EYA3: variants seen among roughly 807,000 people sequenced by gnomAD.
EYA3 encodes the protein EYA transcriptional coactivator and phosphatase 3.
A neutral mutation model predicts 80.0 loss-of-function variants in EYA3; 39 were observed. The observed-to-expected ratio is 0.49, with a 90% CI of 0.38 to 0.64. EYA3 has a LOEUF of 0.64. Ranked by LOEUF, EYA3 falls within the 30% of genes least tolerant of loss-of-function variation. The pLI is 0.00. For missense variants in EYA3, 523 were observed against 676.1 expected, an observed-to-expected ratio of 0.77 and a Z score of 2.51; for synonymous variants, 206 against 232.8, an observed-to-expected ratio of 0.88 and a Z score of 1.05.
chr1:28,021,640 G>A (rs1482608892), intron 7 of EYA3, among the ~76,000 whole-genome samples: 13 of 150,678 alleles, frequency 8.6e-5, no homozygotes, highest in Non-Finnish European at 1.9e-4. Flanking sequence ...CTCTCACTCT[G>A]TCACCCCGGC....
chr1:28,020,591 A>G (rs979219826), intron 7 of EYA3, among the ~76,000 whole-genome samples: 115 of 152,162 alleles, frequency 7.6e-4, no homozygotes, highest in African/African-American at 2.6e-3. Context: ...CTAAAAATGT[A>G]TACAACCACT....
At chr1:28,087,699 A>G (rs1250914409) in intron 1 of EYA3, among the ~76,000 whole-genome samples, 1 of 152,236 alleles carries the variant, frequency 6.6e-6, no homozygotes. Context: ...AGCTGTGCAC[A>G]TCCATTCTCA....
intron 16 of EYA3, among the ~76,000 whole-genome samples, chr1:27,978,895 G>C (rs1011873374): frequency 6.6e-6 from 1 of 152,230 alleles, no homozygotes; most frequent in Non-Finnish European, 1.5e-5. Flanking sequence ...CCGGGAGGCG[G>C]AGGTTGCAGT....
Position 28,005,372 on chromosome 1 carries a change from C to T in EYA3, c.910-953G>A, listed in dbSNP as rs142185057. Among the ~76,000 whole-genome samples the T allele has an allele frequency of 3.6e-3, 542 of 152,246 alleles. 2 individuals are homozygous for T. Among genetic ancestry groups the T allele is most frequent in the Non-Finnish European group, 5.0e-3 (343 of 68,022 alleles). On this transcript the variant is annotated intron_variant, in intron 10 of 17. Transcript: ENST00000373871. ...TCCTGATACCAAAGTCAGACTAAGG[C>T]ACTGTAAGAAAACTACAGACCAACA...
chr1:28,030,301 T>C (rs931987536), intron 6 of EYA3, among the ~76,000 whole-genome samples: 2 of 152,162 alleles, frequency 1.3e-5, no homozygotes, highest in African/African-American at 4.8e-5. Flanking sequence ...AATCACTTCT[T>C]AATTTTTTTG....
intron 13 of EYA3, among the ~76,000 whole-genome samples, chr1:27,994,595 G>A (rs1270145460): frequency 2.6e-5 from 4 of 152,136 alleles, no homozygotes; most frequent in African/African-American, 9.7e-5. Flanking sequence ...ACTGAGGAAG[G>A]AGAATCGCTT....
chr1:27,974,858 A>T, intron 17 of EYA3, among the ~76,000 whole-genome samples: 1 of 152,058 alleles, frequency 6.6e-6, no homozygotes, highest in Non-Finnish European at 1.5e-5. Flanking sequence ...CAGTGGTGTG[A>T]TTATAGCTTA....
At chr1:27,974,638 C>A in intron 17 of EYA3, 92 bp from the exon 18 acceptor site, 1 of 1,022,290 alleles carries the variant, frequency 9.8e-7, no homozygotes, top group African/African-American at 1.6e-5. Flanking sequence ...ACACCTCTCC[C>A]CAAGGTACAT....
Position 28,067,374 on chromosome 1 carries a change from A to C in EYA3, c.-68-9280T>G, listed in dbSNP as rs145458687. Among the ~76,000 whole-genome samples, 1,046 of 152,362 alleles carry C rather than the reference A, an allele frequency of 6.9e-3. 5 individuals carry two copies. The highest frequency in any genetic ancestry group is 0.01 in the Non-Finnish European group (713 of 68,020). On this transcript the variant is annotated intron_variant, in intron 1 of 17. Coordinates refer to ENST00000373871, the MANE Select transcript of EYA3 (RefSeq NM_001990.4). The stretch of plus-strand genomic sequence containing the variant: ...CATGTTTTTATGTTAGTTTAATAAT[A>C]GCTTACATATAATTTGATAAGAATC...
intron 3 of EYA3, among the ~76,000 whole-genome samples, chr1:28,042,924 A>C (rs1377463583): frequency 1.3e-5 from 2 of 151,966 alleles, no homozygotes. Flanking sequence ...GGCTCACTGC[A>C]ACCTCCGCCT....
chr1:28,033,657 A>ATTTTTTTTTTTTTTTTT lies in EYA3; in HGVS notation c.361+1886_361+1887insAAAAAAAAAAAAAAAAA, dbSNP rs1267286529. Among the ~76,000 whole-genome samples the ATTTTTTTTTTTTTTTTT allele has an allele frequency of 2.4e-5, 3 of 125,838 alleles. 1 individual carries two copies. Among genetic ancestry groups the ATTTTTTTTTTTTTTTTT allele is most frequent in the Non-Finnish European group, 3.5e-5 (2 of 57,690 alleles). 82.6% of individuals were successfully genotyped at this position (125,838 alleles called of 152,430 possible). The stretch of plus-strand genomic sequence containing the variant: ...TTTTTAATGTATTATTATTATTATT[A>ATTTTTTTTTTTTTTTTT]TTATTATTATTATTTTTGAGACAGT... On this transcript the variant is annotated intron_variant, in intron 6 of 17. Coordinates refer to ENST00000373871, the MANE Select transcript of EYA3 (RefSeq NM_001990.4).
At chr1:28,053,542 T>TTAA (rs1644343218) in intron 2 of EYA3, among the ~76,000 whole-genome samples, 1 of 152,204 alleles carries the variant, frequency 6.6e-6, no homozygotes, top group Non-Finnish European at 1.5e-5. Context: ...TCACTGCGTG[T>TTAA]CTTTTCTGTA....
chr1:28,066,202 A>G (rs1280811795), intron 1 of EYA3, among the ~76,000 whole-genome samples: 1 of 152,168 alleles, frequency 6.6e-6, no homozygotes, highest in African/African-American at 2.4e-5. Context: ...CACACTACTC[A>G]GATCAGTGCA....
At chr1:28,060,090 T>C (rs1405163596) in intron 1 of EYA3, among the ~76,000 whole-genome samples, 1 of 152,166 alleles carries the variant, frequency 6.6e-6, no homozygotes, top group Non-Finnish European at 1.5e-5. Flanking sequence ...TTGAAGGCCA[T>C]GACTATAAAA....
At chr1:27,991,034 T>C (rs926925133) in intron 14 of EYA3, among the ~76,000 whole-genome samples, 2 of 152,178 alleles carry the variant, frequency 1.3e-5, no homozygotes, top group African/African-American at 2.4e-5. Flanking sequence ...ATTTAGATTC[T>C]GGTGCAAGCT....
intron 1 of EYA3, among the ~76,000 whole-genome samples, chr1:28,063,506 G>A (rs924501580): frequency 1.3e-5 from 2 of 151,554 alleles, no homozygotes; most frequent in Non-Finnish European, 2.9e-5. Flanking sequence ...ACAGGTGTGC[G>A]CCACCACACC....
chr1:27,995,554 TGGCAC>T, intron 13 of EYA3, among the ~76,000 whole-genome samples: 1 of 149,738 alleles, frequency 6.7e-6, no homozygotes, highest in African/African-American at 2.5e-5. Flanking sequence ...GTGGGCAACA[TGGCAC>T]TCTTGCCTCT....
intron 11 of EYA3, among the ~76,000 whole-genome samples, chr1:28,003,100 C>CAAA (rs1181469791): frequency 1.6e-5 from 1 of 61,334 alleles, no homozygotes; most frequent in Non-Finnish European, 3.4e-5. Flanking sequence ...ACTAAAAATA[C>CAAA]AAAAAAAAAA....
At chr1:28,035,447 T>C in intron 6 of EYA3, 97 bp downstream of exon 6, 1 of 1,358,118 alleles carries the variant, frequency 7.4e-7, no homozygotes, top group South Asian at 1.5e-5. Flanking sequence ...ACCACATATG[T>C]AACTAAGTGC....
Sources: gnomAD v4.1 joint callset for allele counts (sites outside exome capture counted in the v4.1 genomes callset) on GRCh38, gnomAD v4.1.1 for gene constraint, MANE v1.5 for transcripts, NCBI Gene and HGNC (gene_info 2026-07-23, HGNC 2026-07-21) for gene names.